The following INTS7 variants were observed in gnomAD, a reference collection of about 807,000 sequenced individuals.
The protein encoded by INTS7 is integrator complex subunit 7.
In INTS7, 46 loss-of-function variants were observed where a neutral mutation model predicts 109.2. The observed-to-expected ratio is 0.42, with a 90% confidence interval of 0.33 to 0.54. INTS7 has a LOEUF of 0.54. Among genes scored for constraint, INTS7 ranks in the 20% least tolerant of loss-of-function variants. The pLI is 0.07. For synonymous variants in INTS7, 412 were observed against 402.9 expected (o/e 1.02, Z -0.27); for missense variants, 929 against 1,132.4 (o/e 0.82, Z 2.58).
intron 3 of INTS7, among the ~76,000 whole-genome samples, chr1:212,018,532 C>A (rs1158081497): frequency 6.7e-6 from 1 of 150,000 alleles, no homozygotes; most frequent in South Asian, 2.1e-4. Flanking sequence ...TTGTGAAAAC[C>A]AATTCAAACA....
chr1:211,968,756 G>A, intron 13 of INTS7, 49 bp from the exon 14 acceptor site: 1 of 1,446,118 alleles, frequency 6.9e-7, no homozygotes, highest in South Asian at 1.3e-5. Flanking sequence ...AAACAGAACA[G>A]TGAGATGGGG....
At chr1:212,024,047 T>C (rs1334670188) in intron 1 of INTS7, among the ~76,000 whole-genome samples, 2 of 152,166 alleles carry the variant, frequency 1.3e-5, no homozygotes, top group Non-Finnish European at 2.9e-5. Context: ...ATCTCTGGGT[T>C]CTCTATTCTG....
intron 4 of INTS7, among the ~76,000 whole-genome samples, chr1:212,014,677 C>A (rs1427589155): frequency 6.6e-6 from 1 of 151,748 alleles, no homozygotes; most frequent in East Asian, 1.9e-4. Context: ...TGCCAAGTGC[C>A]TGGGATTGCA....
At chr1:211,958,260 G>A (rs1288464390) in intron 16 of INTS7, among the ~76,000 whole-genome samples, 1 of 151,846 alleles carries the variant, frequency 6.6e-6, no homozygotes, top group East Asian at 1.9e-4. Context: ...TTGATTTATT[G>A]TATGGTATTT....
At chr1:211,966,536 G>T (rs1226919544) in intron 15 of INTS7, 38 bp from the exon 16 acceptor site, 4 of 1,289,618 alleles carry the variant, frequency 3.1e-6, no homozygotes, top group Non-Finnish European at 4.4e-6. Context: ...AAATAGAGAA[G>T]AAACCCGCTA....
intron 4 of INTS7, among the ~76,000 whole-genome samples, chr1:212,013,918 T>A (rs1302378337): frequency 6.6e-6 from 1 of 152,202 alleles, no homozygotes; most frequent in African/African-American, 2.4e-5. Flanking sequence ...AATGCATTTC[T>A]CAGAATGTAA....
intron 12 of INTS7, 72 bp from the exon 13 acceptor site, chr1:211,975,444 G>T: frequency 8.8e-7 from 1 of 1,142,686 alleles, no homozygotes; most frequent in South Asian, 1.3e-5. Flanking sequence ...TGAAAGAGTT[G>T]ATGCAGCAGC....
intron 16 of INTS7, among the ~76,000 whole-genome samples, chr1:211,960,726 C>G (rs1663584164): frequency 6.6e-6 from 1 of 152,112 alleles, no homozygotes; most frequent in Non-Finnish European, 1.5e-5. Context: ...TGAAGACTGG[C>G]TTTCTGAATA....
At chr1:211,968,188 TTA>T (rs141718188) in intron 14 of INTS7, among the ~76,000 whole-genome samples, 3,059 of 152,330 alleles carry the variant, frequency 0.02, 31 homozygotes, top group African/African-American at 0.026. Context: ...CACAAGATTA[TTA>T]TATATGACAT....
chr1:212,023,575 G>A (rs1171034201), intron 1 of INTS7, among the ~76,000 whole-genome samples: 1 of 151,848 alleles, frequency 6.6e-6, no homozygotes, highest in Non-Finnish European at 1.5e-5. Flanking sequence ...CATGTCCTTT[G>A]CCCACTTTTT....
intron 7 of INTS7, among the ~76,000 whole-genome samples, chr1:212,001,370 T>C (rs1665664895): frequency 6.6e-6 from 1 of 152,052 alleles, no homozygotes; most frequent in African/African-American, 2.4e-5. Flanking sequence ...TCTTAAAACG[T>C]TTTCTACAGT....
chr1:212,006,583 C>T, intron 7 of INTS7, 56 bp downstream of exon 7: 1 of 828,458 alleles, frequency 1.2e-6, no homozygotes. Context: ...AAACATTTTA[C>T]TATATTATAA....
At chr1:211,963,798 T>A (rs1447201048) in intron 16 of INTS7, among the ~76,000 whole-genome samples, 1 of 148,250 alleles carries the variant, frequency 6.7e-6, no homozygotes, top group Admixed American at 6.7e-5. Flanking sequence ...CCCATTATAT[T>A]AAAAAAAAAA....
In INTS7 at chr1:211,942,305, G is replaced by C. The variant is rs1662664293; in HGVS notation, c.2602-194C>G. On this transcript the variant is annotated intron_variant, in intron 19 of 19. Transcript: ENST00000366994. This position sits in a 1 kb window ranked among gnomAD's most constrained non-coding sequence, Gnocchi z 4.2. ...TAATGTCTCCAAAGTCACATGATTAGTGAACGGAGTAGGAATCTGAACACA... is the reference window on the plus strand; with the variant it reads ...TAATGTCTCCAAAGTCACATGATTACTGAACGGAGTAGGAATCTGAACACA... Among the ~76,000 whole-genome samples the C allele has an allele frequency of 6.6e-6, 1 of 152,162 alleles. No homozygotes were observed. The highest frequency in any genetic ancestry group is 1.5e-5 in the Non-Finnish European group (1 of 68,034).
At chr1:211,996,337 G>A (rs766824079) in intron 7 of INTS7, among the ~76,000 whole-genome samples, 3 of 152,032 alleles carry the variant, frequency 2.0e-5, no homozygotes, top group African/African-American at 7.3e-5. Context: ...CAGGAGAATC[G>A]CTTGAACCCA....
intron 17 of INTS7, among the ~76,000 whole-genome samples, chr1:211,949,985 C>A (rs1276803529): frequency 2.6e-5 from 4 of 152,238 alleles, no homozygotes; most frequent in African/African-American, 9.6e-5. Context: ...TCCCTCTCAA[C>A]TGCACCACCA....
chr1:211,989,821 CAAAAA>C (rs199523866), intron 7 of INTS7, among the ~76,000 whole-genome samples: 2 of 68,098 alleles, frequency 2.9e-5, no homozygotes, highest in African/African-American at 5.1e-5. Flanking sequence ...GACTCCGTTT[CAAAAA>C]AAAAAAAAAA....
chr1:211,994,025 G>A (rs555777770), intron 7 of INTS7, among the ~76,000 whole-genome samples: 15 of 152,060 alleles, frequency 9.9e-5, no homozygotes, highest in African/African-American at 1.4e-4. Context: ...ATGTGAACCT[G>A]AAATACTAAA....
Position 212,035,523 on chromosome 1 carries a change from T to C in INTS7, c.-86A>G, listed in dbSNP as rs1558066106. Reference sequence around the variant, plus strand: ...CCATCTTCCCCCGCCGCCTTCTTGCTGGTTTTTCTTCCGCGCGCTGTCAAG... The same window carrying C: ...CCATCTTCCCCCGCCGCCTTCTTGCCGGTTTTTCTTCCGCGCGCTGTCAAG... On this transcript the variant is annotated 5_prime_UTR_variant, in exon 1 of 20. Transcript: ENST00000366994. 3 of 1,074,506 alleles carry C rather than the reference T, an allele frequency of 2.8e-6. No homozygotes were observed. Among genetic ancestry groups the C allele is most frequent in the Non-Finnish European group, 4.3e-6 (3 of 697,750 alleles). The allele number at this position is 1,074,506 out of a possible 1,614,324, so 66.6% of individuals were successfully genotyped here.
Sources: gnomAD v4.1 joint callset for allele counts (sites outside exome capture counted in the v4.1 genomes callset) on GRCh38, gnomAD v4.1.1 for gene constraint, Gnocchi (gnomAD v3.1) non-coding constraint, MANE v1.5 for transcripts, NCBI Gene and HGNC (gene_info 2026-07-23, HGNC 2026-07-21) for gene names.